Variants in CNKSR2 observed in about 807,000 individuals in gnomAD.
The protein encoded by CNKSR2 is CNK homolog protein 2.
A neutral mutation model predicts 84.4 loss-of-function variants in CNKSR2; 14 were observed. The observed-to-expected ratio is 0.17, with a 90% CI of 0.11 to 0.26. CNKSR2 has a LOEUF of 0.26. Ranked by LOEUF, CNKSR2 falls within the 10% of genes least tolerant of loss-of-function variation. The probability of loss-of-function intolerance (pLI) is 1.00; values close to 1 mark genes in which losing one functional copy is unlikely to be tolerated. For synonymous variants in CNKSR2, 275 were observed against 277.9 expected (o/e 0.99, Z 0.10); for missense variants, 485 against 771.2 (o/e 0.63, Z 4.40).
At chrX:21,429,547 C>A (rs2090607743) in intron 2 of CNKSR2, 1 of 111,348 alleles carries the variant, frequency 9.0e-6, no homozygotes, top group Non-Finnish European at 1.9e-5. Flanking sequence ...CATCCACTTA[C>A]ATGAAAGAAA....
chrX:21,552,498 C>T (rs1265256128), intron 11 of CNKSR2, among the ~76,000 whole-genome samples: 1 of 111,767 alleles, frequency 8.9e-6, no homozygotes, highest in African/African-American at 3.2e-5. Context: ...ACTTTTGCAG[C>T]TCTTCTTAAA....
intron 1 of CNKSR2, 44 bp downstream of exon 1, chrX:21,375,005 G>C (rs2089786589): frequency 1.9e-6 from 2 of 1,078,036 alleles, no homozygotes; most frequent in African/African-American, 1.8e-5. Context: ...TGGGGCGCGG[G>C]GCACCAGTGC....
intron 4 of CNKSR2, among the ~76,000 whole-genome samples, chrX:21,441,667 T>C (rs2090786039): frequency 8.9e-6 from 1 of 111,747 alleles, no homozygotes. Flanking sequence ...AATTCAGCCA[T>C]TATATACATA....
chrX:21,623,239 A>G (rs1400875539), intron 20 of CNKSR2, among the ~76,000 whole-genome samples: 1 of 111,684 alleles, frequency 9.0e-6, no homozygotes, highest in African/African-American at 3.2e-5. Context: ...TTCAAATTAC[A>G]GAAACAAGTT....
chrX:21,375,233 G>C (rs771816815), intron 1 of CNKSR2, among the ~76,000 whole-genome samples: 14 of 112,790 alleles, frequency 1.2e-4, no homozygotes, highest in Non-Finnish European at 1.5e-4. Flanking sequence ...GCAGAATACC[G>C]GCGCATCTTG....
chrX:21,622,343 T>C (rs1490564190), intron 20 of CNKSR2, among the ~76,000 whole-genome samples: 1 of 111,392 alleles, frequency 9.0e-6, no homozygotes, highest in East Asian at 2.8e-4. Context: ...AGCCTCTTAT[T>C]CTATATTTTA....
At chrX:21,590,868 A>C in intron 14 of CNKSR2, 154 bp from the exon 15 acceptor site, 1 of 494,839 alleles carries the variant, frequency 2.0e-6, no homozygotes, top group South Asian at 4.9e-5. Context: ...CACTTATGTG[A>C]GGGAAAATAT....
At chrX:21,601,043 G>C (rs1441058576) in intron 17 of CNKSR2, among the ~76,000 whole-genome samples, 4 of 111,880 alleles carry the variant, frequency 3.6e-5, no homozygotes, top group African/African-American at 9.7e-5. Flanking sequence ...TTATGTTACA[G>C]ATATTAACAG....
chrX:21,536,095 G>C (rs1282572042), intron 11 of CNKSR2, among the ~76,000 whole-genome samples: 1 of 110,970 alleles, frequency 9.0e-6, no homozygotes. Context: ...TTATTAAGTG[G>C]CTTTTTTGTG....
At chrX:21,484,647 G>A (rs756295385) in intron 5 of CNKSR2, among the ~76,000 whole-genome samples, 12 of 111,159 alleles carry the variant, frequency 1.1e-4, no homozygotes, top group Non-Finnish European at 2.3e-4. Flanking sequence ...TCAGCCTTGA[G>A]TTCTTTCCTG....
chrX:21,406,614 G>C (rs1302587173), intron 1 of CNKSR2, among the ~76,000 whole-genome samples: 1 of 111,247 alleles, frequency 9.0e-6, no homozygotes, highest in Non-Finnish European at 1.9e-5. Context: ...CATAAAGTAA[G>C]CTTCTGAGAA....
chrX:21,436,749 T>C (rs1481528822), intron 3 of CNKSR2, among the ~76,000 whole-genome samples: 3 of 111,261 alleles, frequency 2.7e-5, no homozygotes, highest in African/African-American at 9.8e-5. Context: ...ATGCTGATCA[T>C]GTTCAGTTAT....
At chrX:21,376,441 T>C (rs767773473) in intron 1 of CNKSR2, among the ~76,000 whole-genome samples, 1 of 112,227 alleles carries the variant, frequency 8.9e-6, no homozygotes, top group African/African-American at 3.2e-5. Context: ...ACATTATTTA[T>C]CGACTGCACC....
chrX:21,470,340 A>T (rs929767279), intron 4 of CNKSR2, among the ~76,000 whole-genome samples: 1 of 111,738 alleles, frequency 8.9e-6, no homozygotes, highest in African/African-American at 3.3e-5. Flanking sequence ...TTTTGATAGG[A>T]CTATTGAAAT....
chrX:21,517,234 A>T (rs1026028860), intron 9 of CNKSR2, among the ~76,000 whole-genome samples: 10 of 109,990 alleles, frequency 9.1e-5, no homozygotes, highest in Non-Finnish European at 1.9e-4. Flanking sequence ...AAAATTAAAA[A>T]CTTAGCCGGG....
At chrX:21,430,051 G>A (rs991025780) in intron 2 of CNKSR2, among the ~76,000 whole-genome samples, 1 of 111,481 alleles carries the variant, frequency 9.0e-6, no homozygotes, top group African/African-American at 3.3e-5. Flanking sequence ...CATGTTTTTA[G>A]ATTATCAGTG....
chrX:21,502,602 G>T (rs1430727226), intron 8 of CNKSR2, among the ~76,000 whole-genome samples: 2 of 110,517 alleles, frequency 1.8e-5, no homozygotes, highest in African/African-American at 6.6e-5. Flanking sequence ...TAATCATAAG[G>T]CAAATGACAT....
At chrX:21,551,132 G>A (rs929307048) in intron 11 of CNKSR2, among the ~76,000 whole-genome samples, 7 of 110,438 alleles carry the variant, frequency 6.3e-5, no homozygotes, top group African/African-American at 1.7e-4. Context: ...ACCAAACACC[G>A]CAGGTTCTCA....
rs185788414 is a variant in CNKSR2 at position 21,596,503 on chromosome X, T to C, written c.1976+1108T>C. 4.1e-3 allele frequency among the ~76,000 whole-genome samples: 453 copies of C among 111,817 alleles called. 1 individual carries two copies. The highest frequency in any genetic ancestry group is 0.017 in the South Asian group (46 of 2,676). On this transcript the variant is annotated intron_variant, in intron 17 of 21. Transcript: ENST00000379510. Reference sequence around the variant, plus strand: ...TAATATATATTCCTTTTATATACGTTGGGTTCTTACTCCATCTACCTTTCT... The same window carrying C: ...TAATATATATTCCTTTTATATACGTCGGGTTCTTACTCCATCTACCTTTCT...
Sources: gnomAD v4.1 joint callset for allele counts (sites outside exome capture counted in the v4.1 genomes callset) on GRCh38, gnomAD v4.1.1 for gene constraint, MANE v1.5 for transcripts, NCBI Gene and HGNC (gene_info 2026-07-23, HGNC 2026-07-21) for gene names.